Variants in KRT74 observed in about 807,000 individuals in gnomAD.
KRT74 encodes the protein keratin 74, also known as keratin, type II cytoskeletal 74.
A neutral mutation model predicts 42.7 loss-of-function variants in KRT74; 43 were observed. The ratio of observed to expected loss-of-function variants is 1.01; its 90% CI spans 0.79 to 1.30. The LOEUF is 1.30. Ranked by LOEUF, KRT74 falls within the 50% of genes most tolerant of loss-of-function variation. KRT74 has a pLI of 0.00. For missense variants in KRT74, 736 were observed against 689.1 expected (o/e 1.07, Z -0.76); for synonymous variants, 302 against 279.0 (o/e 1.08, Z -0.82).
rs780143633 is a variant in KRT74, at chr12:52,573,540, C to A, written c.238G>T (p.Gly80Trp). The A allele has an allele frequency of 1.2e-6, 2 of 1,614,134 alleles. No homozygotes were observed. Among genetic ancestry groups the A allele is most frequent in the African/African-American group, 2.7e-5 (2 of 75,048 alleles). ...CCACTGGCCCGGCCCCCTCCATACC[C>A]AGAGCCAGGCCTGAAGCCGTAACCT... Reference protein sequence around the residue: ...AGGYGFRPGSGYGGGRASGFA... With the variant: ...AGGYGFRPGSWYGGGRASGFA... The change falls in exon 1 of 9, where the codon GGG (glycine) becomes TGG (tryptophan). Residue 80 changes from glycine (G) to tryptophan (W), a missense_variant. By Grantham distance (184) the Gly-to-Trp change is radical. Transcript: ENST00000305620.
At chr12:52,570,297 C>T (rs1939455979) in intron 5 of KRT74, among the ~76,000 whole-genome samples, 1 of 152,206 alleles carries the variant, frequency 6.6e-6, no homozygotes, top group African/African-American at 2.4e-5. Flanking sequence ...CGCCCCCCAC[C>T]AAATTCACCC....
Position 52,566,483 on chromosome 12 carries a change from C to T in KRT74, c.*486G>A, listed in dbSNP as rs1351660698. The stretch of plus-strand genomic sequence containing the variant: ...TGGTGTCCTAAATATTGGCGTCATC[C>T]TGCAAAGTTGTTTCTGATGGAGCAA... On this transcript the variant is annotated 3_prime_UTR_variant, in exon 9 of 9. Transcript: ENST00000305620. The T allele has an allele frequency of 6.5e-6, 1 of 154,266 alleles. No homozygotes were observed. Among genetic ancestry groups the T allele is most frequent in the Non-Finnish European group, 1.4e-5 (1 of 69,624 alleles). The allele number at this position is 154,266 out of a possible 1,614,324, so 9.6% of individuals were successfully genotyped here. A position where few individuals can be genotyped will look rare whatever the true frequency, so the allele number is the denominator to read the frequency against.
In KRT74 at chr12:52,573,296, A is replaced by G. The variant is rs6580887; in HGVS notation, c.471+11T>C. The G allele has an allele frequency of 0.16, 255,662 of 1,613,044 alleles. 21,331 individuals carry two copies. Among genetic ancestry groups the G allele is most frequent in the Non-Finnish European group, 0.17 (203,286 of 1,179,168 alleles). ...CAGGGTGCGGCCTCATCCTCCTCCT[A>G]TGAGACCCACCTTGTCAATGAAGGA... On this transcript the variant is annotated intron_variant, in intron 1 of 8. Transcript: ENST00000305620.
In KRT74 at chr12:52,568,231, CA is replaced by C. The variant is rs1363856552; in HGVS notation, c.1292del (p.Leu431ArgfsTer31). Reference protein sequence around the residue: ...MLREYQELMSLKLALDMEIAT... With the variant: ...MLREYQELMSXKLALDMEIAT... The stretch of plus-strand genomic sequence containing the variant: ...CAATCTCCATGTCCAGGGCCAGTTT[CA>C]GGCTCATGAGCTCCTGGTACTCGCG... On this transcript the variant is annotated frameshift_variant, in exon 7 of 9. Transcript: ENST00000305620. LOFTEE classifies it high-confidence loss of function. 1.9e-6 allele frequency: 3 copies of C among 1,614,106 alleles called. No homozygotes were observed. In the African/African-American group the frequency reaches 4.0e-5, roughly 22 times the overall value.
chr12:52,570,068 G>T, intron 5 of KRT74, 84 bp from the exon 6 acceptor site: 2 of 1,493,074 alleles, frequency 1.3e-6, no homozygotes, highest in Admixed American at 1.7e-5. Context: ...TGCCACCCTG[G>T]CTGTCGGTGG....
chr12:52,570,647 A>C, intron 5 of KRT74, 22 bp downstream of exon 5: 1 of 1,614,040 alleles, frequency 6.2e-7, no homozygotes, highest in Admixed American at 1.7e-5. Context: ...CTGCTGTGGG[A>C]GGAGACCCAT....
chr12:52,568,990 A>C (rs1939426874), intron 6 of KRT74, among the ~76,000 whole-genome samples: 1 of 152,222 alleles, frequency 6.6e-6, no homozygotes, highest in African/African-American at 2.4e-5. Context: ...GCCTGTTGCT[A>C]ACAGAGAGGG....
chr12:52,569,631 G>A (rs965861492), intron 6 of KRT74: 2 of 612,472 alleles, frequency 3.3e-6, no homozygotes, highest in African/African-American at 3.7e-5. Context: ...TGCTTTATCT[G>A]CAAAATGAGG....
At chr12:52,572,700 C>CA in intron 1 of KRT74, 33 bp from the exon 2 acceptor site, 1 of 1,591,622 alleles carries the variant, frequency 6.3e-7, no homozygotes, top group East Asian at 2.2e-5. Context: ...CCTGGAACCA[C>CA]AATGGGTGCA....
At position 52,572,436 on chromosome 12, in the gene KRT74, G is replaced by A. The variant is rs192311742; in HGVS notation, c.686+17C>T. On this transcript the variant is annotated intron_variant, in intron 2 of 8. Transcript: ENST00000305620. ...ACGGGAAACATGGTCTGTGACCCTC[G>A]GGTGGAGCCTGCTCACCTCTTCTTA... is the stretch of plus-strand genomic sequence containing the variant. 9.3e-6 allele frequency: 15 copies of A among 1,612,982 alleles called. No homozygotes were observed. The highest frequency in any genetic ancestry group is 1.7e-5 in the Admixed American group (1 of 60,020).
chr12:52,572,137 G>A (rs1043251035), intron 2 of KRT74, 133 bp from the exon 3 acceptor site: 70 of 777,368 alleles, frequency 9.0e-5, no homozygotes, highest in African/African-American at 5.5e-4. Context: ...CTAGTGACAG[G>A]AGTAAGATAT....
intron 3 of KRT74, 30 bp from the exon 4 acceptor site, chr12:52,571,484 A>T: frequency 6.6e-7 from 1 of 1,515,732 alleles, no homozygotes; most frequent in South Asian, 1.1e-5. Flanking sequence ...TCATTGGGGG[A>T]TGCAACCCTC....
Position 52,566,225 on chromosome 12 carries a change from A to C in KRT74, c.*744T>G, listed in dbSNP as rs1248910772. The C allele has an allele frequency of 6.6e-6, 1 of 152,174 alleles. No individual in the cohort carries two copies. The highest frequency in any genetic ancestry group is 1.5e-5 in the Non-Finnish European group (1 of 68,050). The allele number at this position is 152,174 out of a possible 1,614,324, so 9.4% of individuals were successfully genotyped here. ...GCCAGTTCAGCAGCCTCTTGGGATC[A>C]GGCTCCCAGTCTGTTCCAAGGATGC... On this transcript the variant is annotated 3_prime_UTR_variant, in exon 9 of 9. Transcript: ENST00000305620.
In KRT74 at chr12:52,573,394, C is replaced by T. The variant is rs997454037; in HGVS notation, c.384G>A (p.Glu128=). The T allele has an allele frequency of 6.2e-7, 1 of 1,614,244 alleles. No individual in the cohort carries two copies. Residue 128 remains glutamate, a synonymous_variant, in exon 1 of 9, where the codon GAG becomes GAA. Coordinates refer to ENST00000305620, the MANE Select transcript of KRT74 (RefSeq NM_175053.4). ...GCACCTTCTGGATCTCAGGGTCCAGCTCCACGTTGAGGGGGGCCAAGAGGC... is the reference window on the plus strand; with the variant it reads ...GCACCTTCTGGATCTCAGGGTCCAGTTCCACGTTGAGGGGGGCCAAGAGGC... ...NKSLLAPLNV[E]LDPEIQKVRA... is the part of the protein sequence containing the mutation.
At chr12:52,571,057 G>A (rs764478964) in intron 4 of KRT74, among the ~76,000 whole-genome samples, 3 of 152,354 alleles carry the variant, frequency 2.0e-5, no homozygotes, top group Admixed American at 6.5e-5. Context: ...ACATGCAGAC[G>A]GGTGAATAAT....
chr12:52,569,753 CT>C, intron 6 of KRT74, 105 bp downstream of exon 6: 2 of 1,484,074 alleles, frequency 1.3e-6, no homozygotes, highest in Non-Finnish European at 1.9e-6. Context: ...CGAGGGACCC[CT>C]AAGCCCAGCA....
chr12:52,573,166 AC>A (rs1165819575), intron 1 of KRT74, 140 bp downstream of exon 1: 1 of 823,872 alleles, frequency 1.2e-6, no homozygotes, highest in Non-Finnish European at 2.1e-6. Context: ...TCACAGACCT[AC>A]TCTCCTTCCC....
chr12:52,572,582 T>A lies in KRT74; in HGVS notation c.557A>T (p.Asn186Ile), dbSNP rs536200815. 34 of 1,614,018 alleles carry A rather than the reference T, an allele frequency of 2.1e-5. No individual in the cohort carries two copies. The highest frequency in any genetic ancestry group is 2.9e-5 in the Non-Finnish European group (34 of 1,180,012). ...GTAGCCCTCAAGGATGGGCTCCAGG[T>A]TCTTCTTGCAGTTGTTCAGGTCCAG... ...QQLDLNNCKK[N>I]LEPILEGYIS... Residue 186 changes from asparagine to isoleucine, a missense_variant, in exon 2 of 9, where the codon AAC becomes ATC. Coordinates refer to ENST00000305620, the MANE Select transcript of KRT74 (RefSeq NM_175053.4).
chr12:52,573,429 C>T lies in KRT74; in HGVS notation c.349G>A (p.Val117Ile). 6.2e-7 allele frequency: 1 copy of T among 1,614,222 alleles called. No homozygotes were observed. The highest frequency in any genetic ancestry group is 1.1e-5 in the South Asian group (1 of 91,084). Residue 117 changes from valine to isoleucine, a missense_variant, in exon 1 of 9, where the codon GTC becomes ATC. By Grantham distance (29) the Val-to-Ile change is conservative (BLOSUM62 3). Coordinates refer to ENST00000305620, the MANE Select transcript of KRT74 (RefSeq NM_175053.4). The part of the protein sequence containing the change: ...CPPGGIHQVT[V>I]NKSLLAPLNV... ...AGGGGGGCCAAGAGGCTCTTGTTGA[C>T]AGTGACCTGGTGGATGCCCCCAGGT...
Sources: allele counts gnomAD v4.1 joint callset (sites outside exome capture counted in the v4.1 genomes callset), GRCh38; gene constraint gnomAD v4.1.1; transcripts MANE v1.5; gene names NCBI Gene and HGNC (gene_info 2026-07-23, HGNC 2026-07-21).